Variants in PTPRG observed in about 807,000 individuals in gnomAD.
PTPRG encodes the protein receptor-type tyrosine-protein phosphatase gamma.
In PTPRG, 102 loss-of-function variants were observed where a neutral mutation model predicts 165.3. The observed-to-expected ratio is 0.62, with a 90% CI of 0.53 to 0.73. The LOEUF (loss-of-function observed/expected upper bound fraction) is 0.73. Among genes scored for constraint, PTPRG ranks in the 30% least tolerant of loss-of-function variants. The pLI is 0.00. For missense variants in PTPRG, 1,866 were observed against 1,861.4 expected (o/e 1.00, Z -0.05); for synonymous variants, 675 against 669.5 (o/e 1.01, Z -0.13).
At chr3:61,621,566 TTC>T (rs1029838995) in intron 1 of PTPRG, among the ~76,000 whole-genome samples, 2 of 152,176 alleles carry the variant, frequency 1.3e-5, no homozygotes, top group Non-Finnish European at 2.9e-5. Flanking sequence ...TCCTCCCTCT[TTC>T]TCTCTCTGTC....
At chr3:61,718,331 T>C (rs113096156) in intron 1 of PTPRG, among the ~76,000 whole-genome samples, 13 of 152,334 alleles carry the variant, frequency 8.5e-5, no homozygotes, top group African/African-American at 2.2e-4. Context: ...TTTATATTCT[T>C]AGCTAATTTT....
chr3:62,264,313 C>CA (rs573498193), intron 17 of PTPRG, among the ~76,000 whole-genome samples: 184 of 138,882 alleles, frequency 1.3e-3, no homozygotes, highest in South Asian at 1.8e-3. Flanking sequence ...ACCTTGTCTC[C>CA]AAAAAAAAAA....
intron 2 of PTPRG, among the ~76,000 whole-genome samples, chr3:61,914,707 A>G (rs765443916): frequency 6.6e-6 from 1 of 152,156 alleles, no homozygotes; most frequent in Non-Finnish European, 1.5e-5. Flanking sequence ...AAATTACAAT[A>G]TTGACCCATA....
At chr3:61,585,663 C>T (rs1047162829) in intron 1 of PTPRG, among the ~76,000 whole-genome samples, 2 of 152,102 alleles carry the variant, frequency 1.3e-5, no homozygotes, top group Non-Finnish European at 2.9e-5. Flanking sequence ...GGGAGGATGG[C>T]TTCAGCCCAG....
At chr3:61,686,629 G>C (rs546209125) in intron 1 of PTPRG, among the ~76,000 whole-genome samples, 1 of 152,308 alleles carries the variant, frequency 6.6e-6, no homozygotes, top group South Asian at 2.1e-4. Context: ...ATTTTGAAAG[G>C]ATTGGAAATA....
chr3:61,812,157 C>T (rs1168088986), intron 2 of PTPRG, among the ~76,000 whole-genome samples: 1 of 152,024 alleles, frequency 6.6e-6, no homozygotes, highest in Non-Finnish European at 1.5e-5. Context: ...ATTCTTACTG[C>T]AAATAACAAG....
At chr3:62,097,282 T>A (rs910365079) in intron 5 of PTPRG, among the ~76,000 whole-genome samples, 4 of 152,184 alleles carry the variant, frequency 2.6e-5, no homozygotes, top group African/African-American at 9.6e-5. Flanking sequence ...GAAGTGAGAA[T>A]GTGACTCCTA....
chr3:61,699,656 G>C (rs772902120), intron 1 of PTPRG, among the ~76,000 whole-genome samples: 1 of 152,110 alleles, frequency 6.6e-6, no homozygotes, highest in South Asian at 2.1e-4. Flanking sequence ...ATGAAAGCAG[G>C]TTTGCTTTAT....
At chr3:61,984,894 A>T (rs1203838270) in intron 2 of PTPRG, among the ~76,000 whole-genome samples, 2 of 152,204 alleles carry the variant, frequency 1.3e-5, no homozygotes, top group Non-Finnish European at 2.9e-5. Context: ...TGTCAATTAT[A>T]TAGAATGTTC....
At chr3:61,921,192 T>A (rs2039070861) in intron 2 of PTPRG, among the ~76,000 whole-genome samples, 1 of 150,852 alleles carries the variant, frequency 6.6e-6, no homozygotes, top group South Asian at 2.1e-4. Context: ...GGGAAAAAGA[T>A]GGGACAGATT....
intron 2 of PTPRG, among the ~76,000 whole-genome samples, chr3:61,771,843 T>C (rs1460460886): frequency 3.9e-5 from 6 of 151,968 alleles, no homozygotes; most frequent in African/African-American, 1.5e-4. Context: ...GCGGGTCACC[T>C]GAGGTCAGGA....
intron 4 of PTPRG, among the ~76,000 whole-genome samples, chr3:62,073,516 T>C (rs559801404): frequency 7.4e-4 from 113 of 152,264 alleles, no homozygotes; most frequent in Middle Eastern, 3.4e-3. Flanking sequence ...TCTCACTCTG[T>C]TGCCGAGGCT....
chr3:61,720,750 C>G (rs1225355706), intron 1 of PTPRG, among the ~76,000 whole-genome samples: 1 of 152,130 alleles, frequency 6.6e-6, no homozygotes, highest in Non-Finnish European at 1.5e-5. Context: ...GAAGAGAGAC[C>G]TGTATTTCTG....
At chr3:61,598,531 C>T (rs1017054563) in intron 1 of PTPRG, among the ~76,000 whole-genome samples, 1 of 152,094 alleles carries the variant, frequency 6.6e-6, no homozygotes, top group Non-Finnish European at 1.5e-5. Flanking sequence ...TCATTAAACT[C>T]GGCCATCAGT....
At chr3:61,793,778 C>T (rs1431112283) in intron 2 of PTPRG, among the ~76,000 whole-genome samples, 1 of 152,146 alleles carries the variant, frequency 6.6e-6, no homozygotes, top group Non-Finnish European at 1.5e-5. Flanking sequence ...CTGTCTCCAC[C>T]CCTTGCCAGT....
rs764384969 is a variant in PTPRG at position 62,271,408 on chromosome 3, G to A, written c.3035G>A (p.Arg1012His). ...GGTCAGAAGGGAAATCCCAAGGGTCGTCAGAATGAAAGGGTAGTGATCCAG... is the reference window on the plus strand; with the variant it reads ...GGTCAGAAGGGAAATCCCAAGGGTCATCAGAATGAAAGGGTAGTGATCCAG... ...KKGQKGNPKG[R>H]QNERVVIQYH... The change falls in exon 21 of 30, where the codon CGT (arginine) becomes CAT (histidine). Residue 1012 changes from arginine (R) to histidine (H), a missense_variant. Arg to His is a conservative substitution (Grantham distance 29, BLOSUM62 0). Around this residue, in one of 3 missense-constraint regions of PTPRG, gnomAD observed 1,452 missense variants for 1,463.0 expected, o/e 0.99. Transcript: ENST00000474889. This position sits in a 1 kb window ranked among gnomAD's most constrained non-coding sequence, Gnocchi z 4.1. 1.7e-5 allele frequency: 28 copies of A among 1,608,486 alleles called. 1 individual carries two copies. In the South Asian group the frequency reaches 2.1e-4, roughly 12 times the overall value.
chr3:62,189,115 A>G (rs1351165250), intron 8 of PTPRG, among the ~76,000 whole-genome samples: 2 of 152,018 alleles, frequency 1.3e-5, no homozygotes, highest in Non-Finnish European at 2.9e-5. Context: ...CTCTGGTGGC[A>G]TTTGCGCAGC....
chr3:61,935,536 A>G (rs906333295), intron 2 of PTPRG, among the ~76,000 whole-genome samples: 1 of 152,066 alleles, frequency 6.6e-6, no homozygotes, highest in African/African-American at 2.4e-5. Context: ...ACACTACCTA[A>G]AGCAGTGTAG....
At chr3:61,844,025 A>G (rs998839943) in intron 2 of PTPRG, among the ~76,000 whole-genome samples, 18 of 148,484 alleles carry the variant, frequency 1.2e-4, no homozygotes, top group Non-Finnish European at 2.7e-4. Flanking sequence ...GTGCAGTGGC[A>G]CAATCTCGTC....
Sources: allele counts gnomAD v4.1 joint callset (sites outside exome capture counted in the v4.1 genomes callset), GRCh38; gene constraint gnomAD v4.1.1; regional missense constraint gnomAD v4.1.1; non-coding constraint Gnocchi (gnomAD v3.1); transcripts MANE v1.5; gene names NCBI Gene and HGNC (gene_info 2026-07-23, HGNC 2026-07-21).